The following PRKCI variants were observed in gnomAD, a reference collection of about 807,000 sequenced individuals.
PRKCI encodes protein kinase C iota.
PRKCI carries 43 observed loss-of-function variants against 84.0 expected under a neutral mutation model. The ratio of observed to expected loss-of-function variants is 0.51; its 90% CI spans 0.40 to 0.66. The LOEUF (loss-of-function observed/expected upper bound fraction) is 0.66. Among genes scored for constraint, PRKCI ranks in the 30% least tolerant of loss-of-function variants. The probability of loss-of-function intolerance (pLI) is 0.00; values close to 1 mark genes in which losing one functional copy is unlikely to be tolerated. For missense variants in PRKCI, 459 were observed against 745.6 expected, an observed-to-expected ratio of 0.62 and a Z score of 4.48; for synonymous variants, 216 against 234.4, an observed-to-expected ratio of 0.92 and a Z score of 0.72.
chr3:170,282,924 G>C (rs1734287822), intron 11 of PRKCI, among the ~76,000 whole-genome samples: 1 of 152,034 alleles, frequency 6.6e-6, no homozygotes, highest in East Asian at 1.9e-4. Context: ...GGCCAACATG[G>C]TGAAACCCCA....
intron 1 of PRKCI, among the ~76,000 whole-genome samples, chr3:170,234,318 A>C (rs1257019285): frequency 6.6e-6 from 1 of 152,200 alleles, no homozygotes; most frequent in South Asian, 2.1e-4. Flanking sequence ...GGTGTGAGCC[A>C]CCACGCCCAG....
At chr3:170,297,624 G>A (rs991154023) in intron 16 of PRKCI, among the ~76,000 whole-genome samples, 1 of 151,576 alleles carries the variant, frequency 6.6e-6, no homozygotes, top group Admixed American at 6.6e-5. Flanking sequence ...GCTAATTTTT[G>A]TATTTTTAGT....
chr3:170,281,928 C>T lies in PRKCI; in HGVS notation c.1027C>T (p.His343Tyr). The T allele has an allele frequency of 6.2e-7, 1 of 1,611,862 alleles. No individual in the cohort carries two copies. Among genetic ancestry groups the T allele is most frequent in the African/African-American group, 1.3e-5 (1 of 74,988 alleles). The stretch of plus-strand genomic sequence containing the variant: ...TGTAAATGGAGGAGACCTAATGTTT[C>T]ATATGCAGCGACAAAGAAAACTTCC... ...EYVNGGDLMF[H>Y]MQRQRKLPEE... Residue 343 changes from histidine (H) to tyrosine (Y), a missense_variant, in exon 11 of 18, where the codon CAT becomes TAT. This residue lies in a region of PRKCI where 209 missense variants were observed against 425.9 expected (regional missense o/e 0.49). Transcript: ENST00000295797.
chr3:170,302,234 C>T (rs1199754438), intron 17 of PRKCI, among the ~76,000 whole-genome samples: 2 of 152,192 alleles, frequency 1.3e-5, no homozygotes, highest in Non-Finnish European at 2.9e-5. Context: ...TTTCCCAAGA[C>T]CTACCACAGT....
rs573534949 is a variant in PRKCI, at chr3:170,264,007, T to C, written c.364+578T>C. 1.5e-3 allele frequency among the ~76,000 whole-genome samples: 228 copies of C among 152,344 alleles called. 1 individual carries two copies. Among genetic ancestry groups the C allele is most frequent in the African/African-American group, 5.0e-3 (206 of 41,582 alleles). ...AAGTTTTAAAATTCAATTTTGGAAA[T>C]GTTCAAACCTATACAGAAGTTGAAA... is the stretch of plus-strand genomic sequence containing the variant. On this transcript the variant is annotated intron_variant, in intron 4 of 17. Transcript: ENST00000295797.
Position 170,235,949 on chromosome 3 carries a change from A to G in PRKCI, c.223+598A>G, listed in dbSNP as rs1001342544. On this transcript the variant is annotated intron_variant, in intron 2 of 17. Transcript: ENST00000295797. Reference sequence around the variant, plus strand: ...TAATTTTGTTTTTTCTTTGAATTAAATTTTTTTTTTTTATTTTTTAAAGAC... The same window carrying G: ...TAATTTTGTTTTTTCTTTGAATTAAGTTTTTTTTTTTTATTTTTTAAAGAC... Among the ~76,000 whole-genome samples, 4 of 147,372 alleles carry G rather than the reference A, an allele frequency of 2.7e-5. No homozygotes were observed. The East Asian group carries it at 5.9e-4, about 22-fold the overall frequency.
At chr3:170,285,166 G>A (rs1284282773) in intron 12 of PRKCI, among the ~76,000 whole-genome samples, 2 of 146,486 alleles carry the variant, frequency 1.4e-5, no homozygotes, top group East Asian at 2.1e-4. Context: ...TGCCAGCTCC[G>A]CCTCCCGGGT....
At chr3:170,261,629 G>A (rs1288710126) in intron 3 of PRKCI, among the ~76,000 whole-genome samples, 3 of 151,922 alleles carry the variant, frequency 2.0e-5, no homozygotes, top group Admixed American at 2.0e-4. Context: ...GATTACAGGC[G>A]CCTACCACCA....
intron 2 of PRKCI, among the ~76,000 whole-genome samples, chr3:170,245,590 C>T (rs1004214561): frequency 6.6e-6 from 1 of 152,116 alleles, no homozygotes; most frequent in East Asian, 1.9e-4. Flanking sequence ...TCCAGTTGCC[C>T]TGTCTTCTTC....
chr3:170,290,420 G>A (rs1480447406), intron 12 of PRKCI, among the ~76,000 whole-genome samples: 2 of 151,808 alleles, frequency 1.3e-5, no homozygotes, highest in South Asian at 2.1e-4. Flanking sequence ...TACTTAAAAG[G>A]ATATATAATC....
intron 17 of PRKCI, among the ~76,000 whole-genome samples, chr3:170,301,179 A>G (rs1734810019): frequency 6.6e-6 from 1 of 152,190 alleles, no homozygotes; most frequent in African/African-American, 2.4e-5. Context: ...CCAAGTCATT[A>G]TTTCTGACAG....
intron 2 of PRKCI, among the ~76,000 whole-genome samples, chr3:170,246,214 A>G (rs1040667116): frequency 6.6e-6 from 1 of 151,878 alleles, no homozygotes; most frequent in Non-Finnish European, 1.5e-5. Context: ...GTGCAGTGGC[A>G]TGATCTTAGC....
intron 2 of PRKCI, among the ~76,000 whole-genome samples, chr3:170,252,011 C>G (rs552892440): frequency 6.6e-6 from 1 of 152,062 alleles, no homozygotes; most frequent in Non-Finnish European, 1.5e-5. Flanking sequence ...GTCAGGAGAT[C>G]GATACCATCC....
At chr3:170,272,479 A>C (rs1190596724) in intron 6 of PRKCI, among the ~76,000 whole-genome samples, 3 of 152,210 alleles carry the variant, frequency 2.0e-5, no homozygotes, top group Non-Finnish European at 4.4e-5. Context: ...TCCAATCTTA[A>C]GGAAAAACAG....
intron 9 of PRKCI, 110 bp downstream of exon 9, chr3:170,280,513 A>G (rs574693965): frequency 5.7e-5 from 59 of 1,028,346 alleles, no homozygotes; most frequent in East Asian, 3.5e-4. Context: ...TAGTGGTGCA[A>G]TCTTGGCTCA....
At chr3:170,265,683 C>T (rs374232058) in intron 4 of PRKCI, among the ~76,000 whole-genome samples, 50 of 150,786 alleles carry the variant, frequency 3.3e-4, no homozygotes, top group African/African-American at 1.1e-3. Flanking sequence ...GGCGAGAACT[C>T]GGCTGACTGC....
At chr3:170,295,141 G>T (rs912871086) in intron 14 of PRKCI, among the ~76,000 whole-genome samples, 1 of 152,122 alleles carries the variant, frequency 6.6e-6, no homozygotes, top group African/African-American at 2.4e-5. Context: ...CAGCCTGGAG[G>T]CGGAGGTTGC....
chr3:170,283,372 A>G (rs1734301105), intron 11 of PRKCI, among the ~76,000 whole-genome samples: 1 of 152,262 alleles, frequency 6.6e-6, no homozygotes, highest in Non-Finnish European at 1.5e-5. Flanking sequence ...GGGAATAAAT[A>G]TTAGAAATTT....
chr3:170,227,931 G>A (rs900692356), intron 1 of PRKCI, among the ~76,000 whole-genome samples: 4 of 152,124 alleles, frequency 2.6e-5, no homozygotes, highest in African/African-American at 9.7e-5. Context: ...GTATGGATTC[G>A]GTGGAAATTT....
Sources: allele counts gnomAD v4.1 joint callset (sites outside exome capture counted in the v4.1 genomes callset), GRCh38; gene constraint gnomAD v4.1.1; regional missense constraint gnomAD v4.1.1; transcripts MANE v1.5; gene names NCBI Gene and HGNC (gene_info 2026-07-23, HGNC 2026-07-21).